MAEA: variants seen among roughly 807,000 people sequenced by gnomAD.
MAEA encodes the protein E3 ubiquitin-protein transferase MAEA.
Under a neutral mutation model 46.2 loss-of-function variants are expected in MAEA, and 22 were observed. The ratio of observed to expected loss-of-function variants is 0.48; its 90% CI spans 0.34 to 0.68. MAEA has a LOEUF of 0.68. Among genes scored for constraint, MAEA ranks in the 30% least tolerant of loss-of-function variants. MAEA has a pLI of 0.01. For missense variants in MAEA, 393 were observed against 558.1 expected, an observed-to-expected ratio of 0.70 and a Z score of 2.98; for synonymous variants, 246 against 222.6, an observed-to-expected ratio of 1.11 and a Z score of -0.94.
chr4:1,298,703 G>A (rs1393982373), intron 1 of MAEA, among the ~76,000 whole-genome samples: 1 of 152,088 alleles, frequency 6.6e-6, no homozygotes, highest in Non-Finnish European at 1.5e-5. Flanking sequence ...TTGGCCCTGG[G>A]TGTTGCTGTG....
In MAEA at chr4:1,339,231, TC is replaced by T. The variant is rs1713213198; in HGVS notation, c.*64del. 2 of 1,224,902 alleles carry T rather than the reference TC, an allele frequency of 1.6e-6. No homozygotes were observed. The highest frequency in any genetic ancestry group is 3.4e-5 in the Admixed American group (2 of 58,680). The allele number at this position is 1,224,902 out of a possible 1,614,324, so 75.9% of individuals were successfully genotyped here. A position where few individuals can be genotyped will look rare whatever the true frequency, so the allele number is the denominator to read the frequency against. On this transcript the variant is annotated 3_prime_UTR_variant, in exon 9 of 9. Coordinates refer to ENST00000303400, the MANE Select transcript of MAEA (RefSeq NM_001017405.3). Reference sequence around the variant, plus strand: ...TGCAGTGGGCGGGGAGGCCACGCCTTCCTCCTGTCCCACGCTCCAGCCTGCC... The same window carrying T: ...TGCAGTGGGCGGGGAGGCCACGCCTTCTCCTGTCCCACGCTCCAGCCTGCC...
Position 1,339,613 on chromosome 4 carries a change from G to A in MAEA, c.*444G>A, listed in dbSNP as rs1001558771. 10 of 195,338 alleles carry A rather than the reference G, an allele frequency of 5.1e-5. No homozygotes were observed. Among genetic ancestry groups the A allele is most frequent in the Non-Finnish European group, 8.5e-5 (8 of 93,802 alleles). The allele number at this position is 195,338 out of a possible 1,614,324, so 12.1% of individuals were successfully genotyped here. A position where few individuals can be genotyped will look rare whatever the true frequency, so the allele number is the denominator to read the frequency against. On this transcript the variant is annotated 3_prime_UTR_variant, in exon 9 of 9. Transcript: ENST00000303400. ...GGCCGGGGAAGGTGGCAGCGGCACCGGACTGACCTGCAGTGACCCGCGATG... is the reference window on the plus strand; with the variant it reads ...GGCCGGGGAAGGTGGCAGCGGCACCAGACTGACCTGCAGTGACCCGCGATG...
chr4:1,306,364 T>G (rs1164536913), intron 1 of MAEA, among the ~76,000 whole-genome samples: 1 of 152,092 alleles, frequency 6.6e-6, no homozygotes, highest in Admixed American at 6.6e-5. Context: ...AAAATGGGAT[T>G]GCTAACCGGG....
At chr4:1,300,552 C>G (rs182300870) in intron 1 of MAEA, among the ~76,000 whole-genome samples, 4 of 152,390 alleles carry the variant, frequency 2.6e-5, no homozygotes, top group African/African-American at 4.8e-5. Flanking sequence ...GATGAGGGCA[C>G]TGGACCGCGT....
At chr4:1,337,868 GTGAC>G (rs1375473842) in intron 7 of MAEA, 1 of 171,760 alleles carries the variant, frequency 5.8e-6, no homozygotes, top group Non-Finnish European at 1.3e-5. Context: ...GTCCCCACCT[GTGAC>G]TGACTGTCCT....
At chr4:1,316,356 C>G (rs576604264) in intron 3 of MAEA, among the ~76,000 whole-genome samples, 1 of 152,264 alleles carries the variant, frequency 6.6e-6, no homozygotes, top group South Asian at 2.1e-4. Flanking sequence ...TGGAGCCTCC[C>G]AGACCAGCAC....
chr4:1,310,040 T>A, intron 1 of MAEA: 1 of 1,148,480 alleles, frequency 8.7e-7, no homozygotes, highest in Non-Finnish European at 1.1e-6. Flanking sequence ...GCGAGGGTGG[T>A]TGTGCCGCTT....
chr4:1,304,777 G>A (rs1735675919), intron 1 of MAEA, among the ~76,000 whole-genome samples: 1 of 152,094 alleles, frequency 6.6e-6, no homozygotes, highest in African/African-American at 2.4e-5. Context: ...GAACATATTC[G>A]GGATAAATTG....
intron 7 of MAEA, 88 bp from the exon 8 acceptor site, chr4:1,338,334 C>T (rs889163476): frequency 6.9e-5 from 72 of 1,050,164 alleles, no homozygotes; most frequent in Non-Finnish European, 9.1e-5. Context: ...CAGAAGGGCA[C>T]GCAGCCCAGG....
chr4:1,334,979 A>T, intron 6 of MAEA: 1 of 985,424 alleles, frequency 1.0e-6, no homozygotes, highest in Middle Eastern at 5.2e-4. Context: ...AAGCTTACAG[A>T]GACTGATGGG....
intron 1 of MAEA, among the ~76,000 whole-genome samples, chr4:1,305,769 G>A (rs576201169): frequency 1.0e-4 from 7 of 68,994 alleles, no homozygotes; most frequent in South Asian, 4.9e-4. Context: ...GTGCGCACGC[G>A]TGCGTGTAAG....
chr4:1,323,224 C>T (rs1389132870), intron 4 of MAEA, among the ~76,000 whole-genome samples: 1 of 152,072 alleles, frequency 6.6e-6, no homozygotes, highest in African/African-American at 2.4e-5. Flanking sequence ...GGATTACAGG[C>T]GTGAGCCACC....
chr4:1,297,906 C>A, intron 1 of MAEA: 1 of 439,866 alleles, frequency 2.3e-6, no homozygotes, highest in Admixed American at 2.4e-5. Flanking sequence ...GCCTCCACCC[C>A]TCGCGATGTA....
At chr4:1,300,630 C>T (rs1029522780) in intron 1 of MAEA, among the ~76,000 whole-genome samples, 10 of 152,258 alleles carry the variant, frequency 6.6e-5, no homozygotes, top group African/African-American at 2.4e-4. Flanking sequence ...TGCGTGTGTG[C>T]CGCTGCCGCA....
Position 1,311,974 on chromosome 4 carries a change from T to A in MAEA, c.70-5T>A. 6.2e-7 allele frequency: 1 copy of A among 1,604,436 alleles called. No individual in the cohort carries two copies. Among genetic ancestry groups the A allele is most frequent in the Non-Finnish European group, 8.5e-7 (1 of 1,172,536 alleles). On this transcript the variant is annotated splice_region_variant and splice_polypyrimidine_tract_variant and intron_variant, in intron 1 of 8. Coordinates refer to ENST00000303400, the MANE Select transcript of MAEA (RefSeq NM_001017405.3). This position sits in a 1 kb window ranked among gnomAD's most constrained non-coding sequence, Gnocchi z 4.4. ...AGATCCCTCACCATCCTCCTTCCTC[T>A]CCAGGTGCCCTACGAGACGCTGAAC...
At chr4:1,312,423 ATTTTTTTTTTTT>A in intron 2 of MAEA, 1 of 170,950 alleles carries the variant, frequency 5.8e-6, no homozygotes, top group South Asian at 5.3e-5. Flanking sequence ...AGGTTGATTG[ATTTTTTTTTTTT>A]TTTTTTTTTT....
intron 5 of MAEA, chr4:1,330,219 T>C (rs1711515809): frequency 1.2e-6 from 1 of 842,936 alleles, no homozygotes; most frequent in Non-Finnish European, 1.4e-6. Flanking sequence ...CTGTACTTCA[T>C]GGGCTTTGTG....
chr4:1,319,061 G>A (rs1001978854), intron 3 of MAEA, among the ~76,000 whole-genome samples: 2 of 152,324 alleles, frequency 1.3e-5, no homozygotes, highest in Admixed American at 6.5e-5. Flanking sequence ...GCCTGCCTGT[G>A]CTGCCTTAGG....
Position 1,315,453 on chromosome 4 carries a change from C to G in MAEA, c.309C>G (p.Ile103Met). The change falls in exon 3 of 9, where the codon ATC becomes ATG. Residue 103 changes from isoleucine (I) to methionine (M), a missense_variant. By Grantham distance (10) the Ile-to-Met change is conservative. Transcript: ENST00000303400. ...DESAKLCKRR[I>M]EHLKEHSSDQ... Reference sequence around the variant, plus strand: ...GCGCCAAGCTGTGCAAGCGCCGGATCGAGCACCTCAAAGAGCATAGCAGCG... The same window carrying G: ...GCGCCAAGCTGTGCAAGCGCCGGATGGAGCACCTCAAAGAGCATAGCAGCG... 1.9e-6 allele frequency: 3 copies of G among 1,613,862 alleles called. No individual in the cohort carries two copies. Among genetic ancestry groups the G allele is most frequent in the East Asian group, 2.2e-5 (1 of 44,874 alleles).
Sources: allele counts gnomAD v4.1 joint callset (sites outside exome capture counted in the v4.1 genomes callset), GRCh38; gene constraint gnomAD v4.1.1; non-coding constraint Gnocchi (gnomAD v3.1); transcripts MANE v1.5; gene names NCBI Gene and HGNC (gene_info 2026-07-23, HGNC 2026-07-21).